Variants in ITSN1 observed in about 807,000 individuals in gnomAD.
ITSN1 encodes the protein intersectin 1.
A neutral mutation model predicts 239.8 loss-of-function variants in ITSN1; 58 were observed. The ratio of observed to expected loss-of-function variants is 0.24; its 90% confidence interval spans 0.20 to 0.30. ITSN1 has a LOEUF of 0.30. ITSN1 is among the 10% of genes least tolerant of loss of function. The pLI is 1.00. For missense variants in ITSN1, 1,558 were observed against 2,103.3 expected (o/e 0.74, Z 5.07); for synonymous variants, 780 against 770.8 (o/e 1.01, Z -0.20).
chr21:33,813,837 T>TG (rs2073085372), intron 21 of ITSN1, 76 bp from the exon 22 acceptor site: 1 of 1,300,654 alleles, frequency 7.7e-7, no homozygotes, highest in South Asian at 1.9e-5. Context: ...TTTTTTTTTT[T>TG]GGTACTTTAC....
intron 28 of ITSN1, among the ~76,000 whole-genome samples, chr21:33,835,232 A>G (rs1029279122): frequency 3.9e-5 from 6 of 152,170 alleles, no homozygotes; most frequent in African/African-American, 1.4e-4. Flanking sequence ...GATGAGCCGC[A>G]GTCCCCACTG....
At chr21:33,689,710 G>C (rs957532667) in intron 1 of ITSN1, among the ~76,000 whole-genome samples, 30 of 152,170 alleles carry the variant, frequency 2.0e-4, no homozygotes, top group Admixed American at 1.3e-4. Flanking sequence ...GCTCATGCCT[G>C]TAATGCTAGC....
At chr21:33,859,927 A>G (rs981209406) in intron 31 of ITSN1, among the ~76,000 whole-genome samples, 20 of 152,290 alleles carry the variant, frequency 1.3e-4, no homozygotes, top group African/African-American at 4.8e-4. Context: ...GTCTGGTGTC[A>G]CACCCTTGGG....
chr21:33,657,987 A>T (rs11909239), intron 1 of ITSN1, among the ~76,000 whole-genome samples: 289 of 151,820 alleles, frequency 1.9e-3, no homozygotes, highest in African/African-American at 5.6e-3. Context: ...TTCTGTTTTT[A>T]AAAAAAATCA....
At chr21:33,829,955 C>T (rs932224837) in intron 27 of ITSN1, among the ~76,000 whole-genome samples, 3 of 152,166 alleles carry the variant, frequency 2.0e-5, no homozygotes, top group Admixed American at 6.5e-5. Context: ...GGAGCGCATA[C>T]GAAAACATAT....
chr21:33,719,603 T>G (rs190674497), intron 2 of ITSN1, among the ~76,000 whole-genome samples: 1 of 152,310 alleles, frequency 6.6e-6, no homozygotes, highest in Admixed American at 6.5e-5. Flanking sequence ...ATACAAACAT[T>G]GCAATTAGGT....
intron 22 of ITSN1, chr21:33,818,040 A>C (rs184316000): frequency 3.5e-6 from 2 of 569,224 alleles, no homozygotes; most frequent in Admixed American, 6.2e-5. Flanking sequence ...ATGGTCAGAC[A>C]ATGACTTTGT....
At chr21:33,873,808 G>C (rs1983165420) in intron 33 of ITSN1, among the ~76,000 whole-genome samples, 1 of 152,178 alleles carries the variant, frequency 6.6e-6, no homozygotes, top group Non-Finnish European at 1.5e-5. Context: ...GGAGGCAGAG[G>C]TTGCAGTGAG....
chr21:33,705,172 C>T (rs1468537578), intron 1 of ITSN1, among the ~76,000 whole-genome samples: 2 of 151,106 alleles, frequency 1.3e-5, no homozygotes, highest in Non-Finnish European at 2.9e-5. Flanking sequence ...CTGAACCAGC[C>T]TGTTGTTTTT....
chr21:33,751,702 G>A, intron 6 of ITSN1, 108 bp from the exon 7 acceptor site: 1 of 803,312 alleles, frequency 1.2e-6, no homozygotes, highest in Non-Finnish European at 2.1e-6. Flanking sequence ...GCAAGAAGGG[G>A]GAATTATTTC....
chr21:33,729,713 G>T (rs1003759954), intron 4 of ITSN1, among the ~76,000 whole-genome samples: 1 of 152,182 alleles, frequency 6.6e-6, no homozygotes, highest in East Asian at 1.9e-4. Flanking sequence ...AAAGGAGCAG[G>T]CAGGGGAATA....
chr21:33,862,592 G>A (rs184464037), intron 31 of ITSN1, among the ~76,000 whole-genome samples: 1 of 152,276 alleles, frequency 6.6e-6, no homozygotes, highest in African/African-American at 2.4e-5. Context: ...GCTTGAGGGC[G>A]AGATGGCGGG....
Position 33,894,020 on chromosome 21 carries a change from T to A in ITSN1, c.*5720T>A, listed in dbSNP as rs1986541079. ...AGAAACATCTTAGTAGTTAATGCAC[T>A]GTTCATTTAGGGAGTCCCCATCCTG... On this transcript the variant is annotated 3_prime_UTR_variant, in exon 40 of 40. Transcript: ENST00000381318. The A allele has an allele frequency of 6.6e-6, 1 of 152,228 alleles. No homozygotes were observed. The highest frequency in any genetic ancestry group is 6.5e-5 in the Admixed American group (1 of 15,276). The allele number at this position is 152,228 out of a possible 1,614,324, so 9.4% of individuals were successfully genotyped here. A position where few individuals can be genotyped will look rare whatever the true frequency, so the allele number is the denominator to read the frequency against.
chr21:33,836,662 C>A, intron 29 of ITSN1, 30 bp downstream of exon 29: 1 of 1,557,672 alleles, frequency 6.4e-7, no homozygotes, highest in Non-Finnish European at 8.8e-7. Context: ...TGTCGCCTCG[C>A]CTCTCTGGTA....
At chr21:33,666,279 G>A (rs1245632598) in intron 1 of ITSN1, among the ~76,000 whole-genome samples, 1 of 152,160 alleles carries the variant, frequency 6.6e-6, no homozygotes, top group East Asian at 1.9e-4. Context: ...AATCTGTGGA[G>A]ACAGAAAGCA....
intron 24 of ITSN1, among the ~76,000 whole-genome samples, chr21:33,819,607 A>T (rs1196173480): frequency 2.0e-5 from 3 of 152,246 alleles, no homozygotes; most frequent in Admixed American, 2.0e-4. Flanking sequence ...TTTTCCGAGC[A>T]TCTCTATAGC....
chr21:33,719,526 C>T (rs1601823983), intron 2 of ITSN1, among the ~76,000 whole-genome samples: 1 of 152,176 alleles, frequency 6.6e-6, no homozygotes, highest in South Asian at 2.1e-4. Flanking sequence ...AGTCTTTGGA[C>T]ATTTCCCTGA....
intron 2 of ITSN1, 59 bp from the exon 3 acceptor site, chr21:33,721,119 G>T: frequency 1.9e-6 from 2 of 1,067,154 alleles, no homozygotes; most frequent in East Asian, 4.7e-5. Context: ...TAGTGTGTGA[G>T]AGCATTTTGT....
rs189194068 is a variant in ITSN1 at position 33,731,997 on chromosome 21, A to G, written c.186-3047A>G. On this transcript the variant is annotated intron_variant, in intron 4 of 39. Coordinates refer to ENST00000381318, the MANE Select transcript of ITSN1 (RefSeq NM_003024.3). ...ACATCAATCAATATATGTAAAATGT[A>G]CACTATTTCGGTCTGGAACAATGGG... 3.9e-5 allele frequency among the ~76,000 whole-genome samples: 6 copies of G among 152,348 alleles called. 1 individual carries two copies. The highest frequency in any genetic ancestry group is 9.6e-5 in the African/African-American group (4 of 41,574).
Sources: allele counts gnomAD v4.1 joint callset (sites outside exome capture counted in the v4.1 genomes callset), GRCh38; gene constraint gnomAD v4.1.1; transcripts MANE v1.5; gene names NCBI Gene and HGNC (gene_info 2026-07-23, HGNC 2026-07-21).